MYO19: variants seen among roughly 807,000 people sequenced by gnomAD.
MYO19 encodes the protein unconventional myosin-XIX.
Under a neutral mutation model 129.2 loss-of-function variants are expected in MYO19, and 132 were observed. The observed-to-expected ratio is 1.02, with a 90% CI of 0.89 to 1.18. The LOEUF (loss-of-function observed/expected upper bound fraction) is 1.18, where lower values mean the gene tolerates loss of function less well. Among genes scored for constraint, MYO19 ranks in the 50% most tolerant of loss-of-function variants. The probability of loss-of-function intolerance (pLI) is 0.00; values close to 1 mark genes in which losing one functional copy is unlikely to be tolerated. For synonymous variants in MYO19, 531 were observed against 477.2 expected (o/e 1.11, Z -1.47); for missense variants, 1,210 against 1,216.7 (o/e 0.99, Z 0.08).
Position 36,507,456 on chromosome 17 carries a change from C to T in MYO19, c.1410G>A (p.Gln470=), listed in dbSNP as rs766589805. The change falls in exon 16 of 26, where the codon CAG becomes CAA. Residue 470 remains glutamine (Q), a synonymous_variant. Transcript: ENST00000614623. The stretch of plus-strand genomic sequence containing the variant: ...TTCCCTCAATGAGATCCAAACAGGG[C>T]TGGTTGTCCTGGTAGTTGATGAATG... ...EWSFINYQDN[Q]PCLDLIEGSP... The T allele has an allele frequency of 1.2e-6, 2 of 1,613,642 alleles. No homozygotes were observed. The highest frequency in any genetic ancestry group is 3.3e-5 in the Admixed American group (2 of 59,992).
intron 20 of MYO19, 41 bp from the exon 21 acceptor site, chr17:36,503,241 T>C (rs781767794): frequency 9.3e-6 from 14 of 1,511,106 alleles, no homozygotes; most frequent in Non-Finnish European, 1.2e-5. Context: ...TTACTTCATC[T>C]GTGAGCCAGG....
At chr17:36,526,292 T>C (rs2073459148) in intron 5 of MYO19, among the ~76,000 whole-genome samples, 1 of 152,194 alleles carries the variant, frequency 6.6e-6, no homozygotes, top group Admixed American at 6.5e-5. Context: ...AGATTCTCTC[T>C]GCCTGCTATG....
chr17:36,538,039 T>C (rs749939029), upstream of MYO19: 36 of 1,614,032 alleles, frequency 2.2e-5, no homozygotes, highest in South Asian at 4.0e-4. Flanking sequence ...CTGGGGTATG[T>C]GGCAATACAC....
At chr17:36,518,312 T>C (rs1373072947) in intron 6 of MYO19, among the ~76,000 whole-genome samples, 2 of 150,510 alleles carry the variant, frequency 1.3e-5, no homozygotes, top group East Asian at 1.9e-4. Context: ...ACGTCTCTAC[T>C]AAAAATACAT....
chr17:36,507,255 C>A lies in MYO19; in HGVS notation c.1468-116G>T. The A allele has an allele frequency of 2.0e-6, 3 of 1,467,992 alleles. No individual in the cohort carries two copies. The South Asian group carries it at 3.7e-5, about 18-fold the overall frequency. 90.9% of individuals were successfully genotyped at this position (1,467,992 alleles called of 1,614,324 possible). ...GACATCACACAGGCATCATAGTGTC[C>A]CCAACAGAAAAAATATAGCAATTAG... On this transcript the variant is annotated intron_variant, in intron 16 of 25. Coordinates refer to ENST00000614623, the MANE Select transcript of MYO19 (RefSeq NM_001163735.2).
At chr17:36,521,467 G>A (rs567384128) in intron 6 of MYO19, among the ~76,000 whole-genome samples, 1 of 152,268 alleles carries the variant, frequency 6.6e-6, no homozygotes, top group Admixed American at 6.5e-5. Context: ...GAGGATAGGT[G>A]AGAAAAACAT....
chr17:36,496,222 A>G lies in MYO19; in HGVS notation c.*29T>C. On this transcript the variant is annotated 3_prime_UTR_variant, in exon 26 of 26. Transcript: ENST00000614623. Reference sequence around the variant, plus strand: ...CTTTGGCAAGGCAGGGGGCAGGAAAAGGCCTTGTGGAAACAAAGGCACCAA... The same window carrying G: ...CTTTGGCAAGGCAGGGGGCAGGAAAGGGCCTTGTGGAAACAAAGGCACCAA... 1 of 1,611,358 alleles carries G rather than the reference A, an allele frequency of 6.2e-7. No individual in the cohort carries two copies.
upstream of MYO19, among the ~76,000 whole-genome samples, chr17:36,536,621 TCTC>T (rs1266440799): frequency 6.7e-6 from 1 of 150,304 alleles, no homozygotes; most frequent in Non-Finnish European, 1.5e-5. Flanking sequence ...TTCAACCGAT[TCTC>T]CTGCCTCAGC....
In MYO19 at chr17:36,503,150, T is replaced by C; in HGVS notation, c.2027A>G (p.His676Arg). The C allele has an allele frequency of 6.2e-7, 1 of 1,614,030 alleles. No homozygotes were observed. The highest frequency in any genetic ancestry group is 1.1e-5 in the South Asian group (1 of 91,080). Residue 676 changes from histidine (H) to arginine (R), a missense_variant, in exon 21 of 26, where the codon CAT becomes CGT. Coordinates refer to ENST00000614623, the MANE Select transcript of MYO19 (RefSeq NM_001163735.2). ...VERYKLLRRL[H>R]PCTSSGPDSP... ...GTCGGGGCCAGAGGATGTGCAAGGA[T>C]GAAGCCTTCTTAGTAACTTGTATCG...
At chr17:36,508,873 G>A in intron 14 of MYO19, 189 bp downstream of exon 14, 1 of 614,798 alleles carries the variant, frequency 1.6e-6, no homozygotes. Flanking sequence ...CTCAGATGTG[G>A]GTGCAGGAGA....
chr17:36,531,529 A>G (rs902048824), intron 3 of MYO19, among the ~76,000 whole-genome samples: 2 of 152,134 alleles, frequency 1.3e-5, no homozygotes, highest in Non-Finnish European at 2.9e-5. Flanking sequence ...CTTTAAAAAC[A>G]TTGAAAAGTA....
upstream of MYO19, chr17:36,538,744 G>C (rs1446099012): frequency 5.0e-6 from 4 of 798,042 alleles, no homozygotes; most frequent in Admixed American, 1.3e-4. Flanking sequence ...CATCTAAACA[G>C]CAGTGATGCT....
rs2072511975 is a variant in MYO19, at chr17:36,513,459, A to G, written c.864T>C (p.Ile288=). Residue 288 remains isoleucine, a synonymous_variant, in exon 11 of 26, where the codon ATT becomes ATC. Transcript: ENST00000614623. ...VTREAMLHLG[I]DTPTQNNIFK... ...AGATGTTGTTCTGGGTAGGGGTGTC[A>G]ATGCCCAAATGGAGCATGGCCTCTC... 4 of 1,613,860 alleles carry G rather than the reference A, an allele frequency of 2.5e-6. No homozygotes were observed. The highest frequency in any genetic ancestry group is 1.7e-5 in the Admixed American group (1 of 60,004).
At chr17:36,500,122 T>C (rs529114229) in intron 23 of MYO19, 1 of 152,284 alleles carries the variant, frequency 6.6e-6, no homozygotes, top group East Asian at 1.9e-4. Context: ...CCTCCCAAAA[T>C]GCTGGGATTA....
At chr17:36,520,325 G>A (rs904646359) in intron 6 of MYO19, among the ~76,000 whole-genome samples, 4 of 151,996 alleles carry the variant, frequency 2.6e-5, no homozygotes, top group African/African-American at 7.3e-5. Context: ...ACCATAATGT[G>A]CCTAAATGTG....
chr17:36,498,776 C>T (rs1241493115), intron 24 of MYO19: 5 of 603,294 alleles, frequency 8.3e-6, no homozygotes, highest in Admixed American at 3.0e-5. Flanking sequence ...TACTTGAAAA[C>T]AAGATAAGAG....
upstream of MYO19, chr17:36,535,367 A>G (rs965401521): frequency 1.3e-5 from 2 of 152,324 alleles, no homozygotes; most frequent in African/African-American, 4.8e-5. Context: ...GCACCAGCCC[A>G]AAGGACATGA....
chr17:36,497,490 T>A, intron 25 of MYO19: 2 of 974,896 alleles, frequency 2.1e-6, no homozygotes, highest in Non-Finnish European at 2.4e-6. Flanking sequence ...TGGGACTAAT[T>A]AGATTATTTG....
At chr17:36,507,758 A>G (rs1234024269) in intron 15 of MYO19, 45 bp downstream of exon 15, 5 of 1,543,982 alleles carry the variant, frequency 3.2e-6, no homozygotes, top group Admixed American at 2.0e-5. Context: ...GAAGGGATTG[A>G]GGATCCAAAA....
Sources: allele counts gnomAD v4.1 joint callset (sites outside exome capture counted in the v4.1 genomes callset), GRCh38; gene constraint gnomAD v4.1.1; transcripts MANE v1.5; gene names NCBI Gene and HGNC (gene_info 2026-07-23, HGNC 2026-07-21).